The following FHIT variants were observed in gnomAD, a reference collection of about 807,000 sequenced individuals.
The protein encoded by FHIT is fragile histidine triad diadenosine triphosphatase.
In FHIT, 19 loss-of-function variants were observed where a neutral mutation model predicts 17.9. The ratio of observed to expected loss-of-function variants is 1.06; its 90% CI spans 0.74 to 1.56. FHIT has a LOEUF of 1.56. Ranked by LOEUF, FHIT falls within the 40% of genes most tolerant of loss-of-function variation. The pLI is 0.00. For synonymous variants in FHIT, 81 were observed against 69.7 expected (o/e 1.16, Z -0.81); for missense variants, 248 against 189.2 (o/e 1.31, Z -1.82).
intron 5 of FHIT, among the ~76,000 whole-genome samples, chr3:60,094,823 G>T (rs1703874801): frequency 1.3e-5 from 2 of 150,994 alleles, no homozygotes; most frequent in African/African-American, 4.9e-5. Context: ...GAGAGAAGAA[G>T]AGAGAGAGAG....
At chr3:61,026,648 CT>C (rs111567354) in intron 3 of FHIT, among the ~76,000 whole-genome samples, 2 of 151,690 alleles carry the variant, frequency 1.3e-5, no homozygotes, top group Non-Finnish European at 2.9e-5. Flanking sequence ...ATTATGAGAC[CT>C]TTTTTTTGCA....
intron 8 of FHIT, among the ~76,000 whole-genome samples, chr3:59,869,242 A>G (rs1286730163): frequency 6.6e-6 from 1 of 152,196 alleles, no homozygotes; most frequent in Non-Finnish European, 1.5e-5. Context: ...TCAACCAACA[A>G]GCTCAACTAG....
At chr3:61,175,519 C>T (rs1236926256) in intron 2 of FHIT, among the ~76,000 whole-genome samples, 1 of 152,126 alleles carries the variant, frequency 6.6e-6, no homozygotes, top group Non-Finnish European at 1.5e-5. Context: ...CCCTTCCAAA[C>T]TTAAATTTAA....
chr3:60,490,555 T>A (rs1216627462), intron 5 of FHIT, among the ~76,000 whole-genome samples: 5,864 of 152,048 alleles, frequency 0.039, 359 homozygotes, highest in African/African-American at 0.13. Flanking sequence ...CTTTTAAACC[T>A]CTTGCTCCGT....
At chr3:59,817,049 A>G (rs1242550814) in intron 8 of FHIT, among the ~76,000 whole-genome samples, 1 of 152,184 alleles carries the variant, frequency 6.6e-6, no homozygotes, top group African/African-American at 2.4e-5. Flanking sequence ...AGATGGAGCT[A>G]ACTCCAGATA....
intron 5 of FHIT, among the ~76,000 whole-genome samples, chr3:60,310,435 G>A (rs76985480): frequency 0.012 from 1,855 of 152,188 alleles, 38 homozygotes; most frequent in African/African-American, 0.041. Flanking sequence ...AAGTGAGAAA[G>A]ACCAACAGAA....
chr3:61,106,622 G>C (rs767440683), intron 2 of FHIT, among the ~76,000 whole-genome samples: 7 of 151,942 alleles, frequency 4.6e-5, no homozygotes, highest in Non-Finnish European at 1.0e-4. Context: ...TGGCTACATT[G>C]AGTGAATTAA....
intron 7 of FHIT, 65 bp downstream of exon 7, chr3:60,011,306 T>C: frequency 6.8e-7 from 1 of 1,474,396 alleles, no homozygotes; most frequent in Non-Finnish European, 9.5e-7. Context: ...TATGACTCGT[T>C]GTGATTTTTT....
intron 5 of FHIT, among the ~76,000 whole-genome samples, chr3:60,384,454 C>CT (rs1484135518): frequency 1.3e-5 from 2 of 152,092 alleles, no homozygotes; most frequent in Non-Finnish European, 2.9e-5. Context: ...GGTTTGGTAT[C>CT]TTTAGCCCCA....
chr3:60,629,564 C>A (rs1041863014), intron 4 of FHIT, among the ~76,000 whole-genome samples: 1 of 152,182 alleles, frequency 6.6e-6, no homozygotes, highest in East Asian at 1.9e-4. Flanking sequence ...CCTAGTTTAG[C>A]ATGATGAAAG....
intron 5 of FHIT, among the ~76,000 whole-genome samples, chr3:60,524,196 AG>A (rs2035485062): frequency 9.0e-6 from 1 of 111,134 alleles, no homozygotes; most frequent in Non-Finnish European, 1.8e-5. Flanking sequence ...AGTCAGCCTG[AG>A]ACACACACAC....
chr3:60,214,896 C>T (rs1703627634), intron 5 of FHIT, among the ~76,000 whole-genome samples: 1 of 152,088 alleles, frequency 6.6e-6, no homozygotes, highest in Non-Finnish European at 1.5e-5. Context: ...GGCCATTATC[C>T]TAAGCAAACT....
At chr3:61,093,582 G>A (rs1393057926) in intron 2 of FHIT, among the ~76,000 whole-genome samples, 13 of 152,170 alleles carry the variant, frequency 8.5e-5, no homozygotes, top group Non-Finnish European at 8.8e-5. Flanking sequence ...GGAAGGAAAG[G>A]TACATTCAAA....
chr3:59,812,351 G>T (rs558701168), intron 8 of FHIT, among the ~76,000 whole-genome samples: 1 of 152,324 alleles, frequency 6.6e-6, no homozygotes, highest in Admixed American at 6.5e-5. Context: ...AAGTCAGAAA[G>T]AAGTGAGTGA....
intron 4 of FHIT, among the ~76,000 whole-genome samples, chr3:60,588,428 TAAAGAGGGGAAGGAG>T (rs2037975105): frequency 6.8e-6 from 1 of 147,994 alleles, no homozygotes; most frequent in Admixed American, 6.7e-5. Flanking sequence ...GAGAAGAAAA[TAAAGAGGGGAAGGAG>T]AAAGAGAGGG....
chr3:59,842,058 T>G (rs1223721754), intron 8 of FHIT, among the ~76,000 whole-genome samples: 2 of 152,040 alleles, frequency 1.3e-5, no homozygotes, highest in Non-Finnish European at 2.9e-5. Context: ...AAATAACAAC[T>G]CCCCATTCTC....
intron 5 of FHIT, among the ~76,000 whole-genome samples, chr3:60,149,440 G>C (rs1700368385): frequency 1.3e-5 from 2 of 151,550 alleles, no homozygotes; most frequent in Admixed American, 6.6e-5. Flanking sequence ...CTAGGGTTTT[G>C]TCTTTGTCCT....
intron 3 of FHIT, among the ~76,000 whole-genome samples, chr3:60,992,673 C>A (rs981746373): frequency 6.6e-6 from 1 of 152,212 alleles, no homozygotes; most frequent in South Asian, 2.1e-4. Context: ...CTTCCCAAAA[C>A]CCTCTCTGGT....
At chr3:60,512,078 T>C (rs2034970781) in intron 5 of FHIT, among the ~76,000 whole-genome samples, 1 of 152,146 alleles carries the variant, frequency 6.6e-6, no homozygotes, top group African/African-American at 2.4e-5. Context: ...TAACATCTTA[T>C]ATATCCCATA....
Sources: allele counts gnomAD v4.1 joint callset (sites outside exome capture counted in the v4.1 genomes callset), GRCh38; gene constraint gnomAD v4.1.1; transcripts MANE v1.5; gene names NCBI Gene and HGNC (gene_info 2026-07-23, HGNC 2026-07-21).